The following ELP2 variants were observed in gnomAD, a reference collection of about 807,000 sequenced individuals.
ELP2 encodes elongator complex protein 2.
A neutral mutation model predicts 119.2 loss-of-function variants in ELP2; 90 were observed. The ratio of observed to expected loss-of-function variants is 0.75; its 90% CI spans 0.64 to 0.90. The LOEUF (loss-of-function observed/expected upper bound fraction) is 0.90, where lower values mean the gene tolerates loss of function less well. Among genes scored for constraint, ELP2 ranks in the 40% least tolerant of loss-of-function variants. The pLI is 0.00. For synonymous variants in ELP2, 339 were observed against 331.0 expected (o/e 1.02, Z -0.26); for missense variants, 921 against 967.8 (o/e 0.95, Z 0.64).
At chr18:36,149,903 T>G (rs566008125) in intron 11 of ELP2, among the ~76,000 whole-genome samples, 1 of 152,176 alleles carries the variant, frequency 6.6e-6, no homozygotes, top group Non-Finnish European at 1.5e-5. Flanking sequence ...GGAGGAGATA[T>G]CTCTACCCAT....
intron 3 of ELP2, chr18:36,136,754 A>T: frequency 5.7e-6 from 1 of 174,722 alleles, no homozygotes; most frequent in Non-Finnish European, 1.2e-5. Context: ...TCTGATTTCT[A>T]CTCCCATATT....
In ELP2 at chr18:36,129,973, T is replaced by C. The variant is rs1237410270; in HGVS notation, c.40T>C (p.Cys14Arg). 1.9e-6 allele frequency: 3 copies of C among 1,614,236 alleles called. No homozygotes were observed. The South Asian group carries it at 3.3e-5, about 18-fold the overall frequency. Residue 14 changes from cysteine (C) to arginine (R), a missense_variant, in exon 1 of 22, where the codon TGC becomes CGC. Transcript: ENST00000358232. Reference sequence around the variant, plus strand: ...GCTGGAGACTTCTCACGTGTTTTGCTGCCCAAACCGGGTGCGGGGAGTCCT... The same window carrying C: ...GCTGGAGACTTCTCACGTGTTTTGCCGCCCAAACCGGGTGCGGGGAGTCCT... ...PVLETSHVFC[C>R]PNRVRGVLNW...
In ELP2 at chr18:36,160,002, GAAGTTCAAAAACT is replaced by G; in HGVS notation, c.1676_1688del (p.Glu559AspfsTer48). 6.2e-7 allele frequency: 1 copy of G among 1,613,998 alleles called. No individual in the cohort carries two copies. The highest frequency in any genetic ancestry group is 8.5e-7 in the Non-Finnish European group (1 of 1,180,000). On this transcript the variant is annotated frameshift_variant and splice_region_variant, in exon 16 of 22. Coordinates refer to ENST00000358232, the MANE Select transcript of ELP2 (RefSeq NM_018255.4). LOFTEE classifies it high-confidence loss of function. ...TCTTCTGCAGAATACTTTGTGGCCTGAAGTTCAAAAACTGTAAGTTAAACTGTATTTAGCTCTT... is the reference window on the plus strand; with the variant it reads ...TCTTCTGCAGAATACTTTGTGGCCTGGTAAGTTAAACTGTATTTAGCTCTT...
intron 16 of ELP2, 118 bp from the exon 17 acceptor site, chr18:36,160,814 C>T: frequency 2.8e-6 from 2 of 709,254 alleles, no homozygotes; most frequent in Middle Eastern, 3.7e-4. Context: ...TACAATGTTC[C>T]TTAAAAGAAT....
chr18:36,142,990 A>C, intron 8 of ELP2, 24 bp downstream of exon 8: 1 of 1,532,860 alleles, frequency 6.5e-7, no homozygotes, highest in Non-Finnish European at 9.0e-7. Context: ...AAAATATCCA[A>C]TATAACGATA....
rs2090570250 is a variant in ELP2 at position 36,156,299 on chromosome 18, G to A, written c.1276-167G>A. ...AAATGATTTTGAGTGATTTTTCTGT[G>A]GCTCTTGGTAATTTTTACCAATACT... On this transcript the variant is annotated intron_variant, in intron 12 of 21. Transcript: ENST00000358232. Among the ~76,000 whole-genome samples, 3 of 152,232 alleles carry A rather than the reference G, an allele frequency of 2.0e-5. No homozygotes were observed. The South Asian group carries it at 6.2e-4, about 32-fold the overall frequency.
At chr18:36,171,734 T>A (rs1210751412) in intron 21 of ELP2, among the ~76,000 whole-genome samples, 1 of 152,156 alleles carries the variant, frequency 6.6e-6, no homozygotes, top group African/African-American at 2.4e-5. Context: ...TGTGTGTGTG[T>A]GAGACAGGGT....
intron 19 of ELP2, 169 bp from the exon 20 acceptor site, chr18:36,169,894 T>A (rs2091025431): frequency 1.3e-5 from 11 of 865,246 alleles, no homozygotes; most frequent in Non-Finnish European, 2.0e-5. Flanking sequence ...GCCTTCTTTC[T>A]GATGCTTGAA....
chr18:36,166,336 T>TTG (rs1170335094), intron 18 of ELP2, among the ~76,000 whole-genome samples: 7 of 124,688 alleles, frequency 5.6e-5, no homozygotes, highest in Admixed American at 1.6e-4. Context: ...TTTTTTTTTT[T>TTG]TTTTTTTTTT....
At position 36,174,711 on chromosome 18, in the gene ELP2, A is replaced by G. The variant is rs2091182605; in HGVS notation, c.*70A>G. ...ATTATCATGTAAACAGGTCATCTTT[A>G]CCTTCATAACTGAATTGAGTTTCTG... On this transcript the variant is annotated 3_prime_UTR_variant, in exon 22 of 22. Transcript: ENST00000358232. The G allele has an allele frequency of 1.4e-6, 2 of 1,474,198 alleles. No homozygotes were observed. Among genetic ancestry groups the G allele is most frequent in the East Asian group, 2.3e-5 (1 of 43,546 alleles). 91.3% of individuals were successfully genotyped at this position (1,474,198 alleles called of 1,614,324 possible). A position where few individuals can be genotyped will look rare whatever the true frequency, so the allele number is the denominator to read the frequency against.
intron 2 of ELP2, among the ~76,000 whole-genome samples, chr18:36,134,503 T>C (rs1046657355): frequency 3.3e-5 from 5 of 152,222 alleles, no homozygotes; most frequent in African/African-American, 1.2e-4. Context: ...CCCATCAAAA[T>C]GTTATATATG....
At chr18:36,167,930 GC>G (rs2090956858) in intron 19 of ELP2, among the ~76,000 whole-genome samples, 1 of 152,116 alleles carries the variant, frequency 6.6e-6, no homozygotes, top group South Asian at 2.1e-4. Flanking sequence ...TCCCACTTTG[GC>G]CTCCCAAAGT....
At chr18:36,146,869 T>C (rs1387830298) in intron 11 of ELP2, among the ~76,000 whole-genome samples, 2 of 152,132 alleles carry the variant, frequency 1.3e-5, no homozygotes, top group African/African-American at 4.8e-5. Flanking sequence ...CCTTTAGTCA[T>C]GTAACTGTCT....
chr18:36,131,433 G>A (rs1317195187), intron 1 of ELP2, among the ~76,000 whole-genome samples: 1 of 152,254 alleles, frequency 6.6e-6, no homozygotes, highest in Non-Finnish European at 1.5e-5. Context: ...AGCGCCGTGA[G>A]CGCGGAGCCT....
At position 36,132,358 on chromosome 18, in the gene ELP2, C is replaced by T. The variant is rs148227197; in HGVS notation, c.139-880C>T. ...TAACGCGCGTGGCCACCAAGGAATT[C>T]TCAGTCTAGTGGGAGAGACAGTGAA... On this transcript the variant is annotated intron_variant, in intron 1 of 21. Coordinates refer to ENST00000358232, the MANE Select transcript of ELP2 (RefSeq NM_018255.4). 1.8e-4 allele frequency among the ~76,000 whole-genome samples: 27 copies of T among 152,320 alleles called. 1 individual carries two copies. The East Asian group carries it at 5.2e-3, about 29-fold the overall frequency.
At chr18:36,130,221 G>T in intron 1 of ELP2, 150 bp downstream of exon 1, 1 of 969,622 alleles carries the variant, frequency 1.0e-6, no homozygotes, top group South Asian at 1.4e-5. Flanking sequence ...GTCTCCAGTG[G>T]ACCTGCCGGA....
At chr18:36,148,034 A>G (rs9953612) in intron 11 of ELP2, among the ~76,000 whole-genome samples, 2,470 of 150,430 alleles carry the variant, frequency 0.016, 68 homozygotes, top group African/African-American at 0.057. Flanking sequence ...TTTGGTTTTT[A>G]TGGCAGCTTC....
Position 36,170,048 on chromosome 18 carries a change from A to C in ELP2, c.2077-15A>C. The C allele has an allele frequency of 6.2e-7, 1 of 1,614,136 alleles. No homozygotes were observed. The highest frequency in any genetic ancestry group is 1.1e-5 in the South Asian group (1 of 91,080). ...CAAAGAGAAGGCTTTACAGTGTGTG[A>C]TCTGTCTGTATTAGGTGGTTGTCTG... On this transcript the variant is annotated splice_polypyrimidine_tract_variant and intron_variant, in intron 19 of 21. Transcript: ENST00000358232.
intron 16 of ELP2, 64 bp downstream of exon 16, chr18:36,160,079 A>AC: frequency 6.7e-7 from 1 of 1,493,116 alleles, no homozygotes; most frequent in Admixed American, 1.7e-5. Context: ...TTTCCTCCCC[A>AC]CCCCACAATC....
Sources: gnomAD v4.1 joint callset for allele counts (sites outside exome capture counted in the v4.1 genomes callset) on GRCh38, gnomAD v4.1.1 for gene constraint, MANE v1.5 for transcripts, NCBI Gene and HGNC (gene_info 2026-07-23, HGNC 2026-07-21) for gene names.